Variants in MAPKAP1 observed in about 807,000 individuals in gnomAD.
MAPKAP1 encodes target of rapamycin complex 2 subunit MAPKAP1.
Under a neutral mutation model 65.7 loss-of-function variants are expected in MAPKAP1, and 20 were observed. The ratio of observed to expected loss-of-function variants is 0.30; its 90% CI spans 0.21 to 0.44. MAPKAP1 has a LOEUF of 0.44. MAPKAP1 is among the 20% of genes least tolerant of loss of function. MAPKAP1 has a pLI of 1.00. For synonymous variants in MAPKAP1, 222 were observed against 244.3 expected (o/e 0.91, Z 0.85); for missense variants, 423 against 648.0 (o/e 0.65, Z 3.77).
intron 3 of MAPKAP1, among the ~76,000 whole-genome samples, chr9:125,660,736 A>G (rs1834160331): frequency 6.6e-6 from 1 of 152,204 alleles, no homozygotes; most frequent in African/African-American, 2.4e-5. Context: ...CCGACACTTC[A>G]AAAGCTATTC....
chr9:125,569,405 C>T, intron 5 of MAPKAP1, among the ~76,000 whole-genome samples: 1 of 152,158 alleles, frequency 6.6e-6, no homozygotes, highest in Non-Finnish European at 1.5e-5. Flanking sequence ...GGGTTCAATT[C>T]CCCACCTAGG....
At chr9:125,546,375 C>G (rs530756330) in intron 6 of MAPKAP1, among the ~76,000 whole-genome samples, 1 of 152,186 alleles carries the variant, frequency 6.6e-6, no homozygotes. Context: ...TCTTGTTCCA[C>G]GTCTACAGCG....
intron 4 of MAPKAP1, among the ~76,000 whole-genome samples, chr9:125,587,059 C>T (rs546457444): frequency 1.3e-5 from 2 of 152,238 alleles, no homozygotes; most frequent in African/African-American, 4.8e-5. Context: ...TAGCCACATG[C>T]AAAAGAATGA....
chr9:125,670,295 A>C (rs1342220715), intron 2 of MAPKAP1, among the ~76,000 whole-genome samples: 1 of 152,196 alleles, frequency 6.6e-6, no homozygotes, highest in Non-Finnish European at 1.5e-5. Flanking sequence ...TACTGTTATG[A>C]ATTACTCTAC....
intron 5 of MAPKAP1, among the ~76,000 whole-genome samples, chr9:125,563,406 C>A (rs1254866083): frequency 6.6e-6 from 1 of 152,142 alleles, no homozygotes; most frequent in Non-Finnish European, 1.5e-5. Flanking sequence ...GCTCCATTTT[C>A]TTATCGGAAA....
chr9:125,689,305 C>CG lies in MAPKAP1; in HGVS notation c.-69-16663dup, dbSNP rs565775566. On this transcript the variant is annotated intron_variant, in intron 1 of 11. Coordinates refer to ENST00000265960, the MANE Select transcript of MAPKAP1 (RefSeq NM_001006617.3). Reference sequence around the variant, plus strand: ...ACAAAAAATTAGCCGGGCGTGGTGGCGGGCGCCTGTAGTCCCAGCTACTCA... The same window carrying CG: ...ACAAAAAATTAGCCGGGCGTGGTGGCGGGGCGCCTGTAGTCCCAGCTACTCA... 3.6e-4 allele frequency among the ~76,000 whole-genome samples: 54 copies of CG among 151,478 alleles called. 1 individual carries two copies. In the East Asian group the frequency reaches 9.0e-3, roughly 25 times the overall value.
chr9:125,530,095 G>A (rs910151675), intron 7 of MAPKAP1, among the ~76,000 whole-genome samples: 1 of 152,216 alleles, frequency 6.6e-6, no homozygotes, highest in Non-Finnish European at 1.5e-5. Context: ...AGCAGAACAG[G>A]AGTTGGGTGG....
intron 4 of MAPKAP1, among the ~76,000 whole-genome samples, chr9:125,627,104 G>T (rs143559879): frequency 6.6e-6 from 1 of 152,258 alleles, no homozygotes; most frequent in Non-Finnish European, 1.5e-5. Flanking sequence ...CAATTCATAT[G>T]TAACAATGAG....
At chr9:125,691,975 G>A (rs766764893) in intron 1 of MAPKAP1, among the ~76,000 whole-genome samples, 1 of 152,158 alleles carries the variant, frequency 6.6e-6, no homozygotes, top group African/African-American at 2.4e-5. Context: ...AATTCCTAGA[G>A]CCTAGGGCTG....
chr9:125,688,467 T>C (rs1051897923), intron 1 of MAPKAP1, among the ~76,000 whole-genome samples: 2 of 152,120 alleles, frequency 1.3e-5, no homozygotes, highest in Non-Finnish European at 2.9e-5. Context: ...ATCACCACAG[T>C]GTACCAAACA....
At chr9:125,701,840 G>C (rs2131882821) in intron 1 of MAPKAP1, among the ~76,000 whole-genome samples, 1 of 152,298 alleles carries the variant, frequency 6.6e-6, no homozygotes, top group South Asian at 2.1e-4. Flanking sequence ...ACTTTAGCTT[G>C]ATTATACAAT....
At chr9:125,664,347 CA>C (rs891160056) in intron 3 of MAPKAP1, among the ~76,000 whole-genome samples, 1 of 142,528 alleles carries the variant, frequency 7.0e-6, no homozygotes, top group Non-Finnish European at 1.5e-5. Flanking sequence ...AACTCCGTCT[CA>C]AAAAAAATAA....
At chr9:125,700,447 C>A (rs1480395992) in intron 1 of MAPKAP1, among the ~76,000 whole-genome samples, 1 of 152,198 alleles carries the variant, frequency 6.6e-6, no homozygotes, top group Non-Finnish European at 1.5e-5. Flanking sequence ...TATATTTAGG[C>A]ATAAATGTGA....
rs74838170 is a variant in MAPKAP1 at position 125,455,339 on chromosome 9, A to G, written c.1346-10741T>C. On this transcript the variant is annotated intron_variant, in intron 10 of 11. Transcript: ENST00000265960. ...TGCAAGAATTAAATAATGTGTAAAA[A>G]GGACTTGGAACACTATCTGATGGGG... 3.3e-4 allele frequency among the ~76,000 whole-genome samples: 51 copies of G among 152,340 alleles called. No homozygotes were observed. The East Asian group carries it at 9.6e-3, about 29-fold the overall frequency.
intron 7 of MAPKAP1, among the ~76,000 whole-genome samples, chr9:125,530,280 C>A (rs2133137319): frequency 6.6e-6 from 1 of 152,350 alleles, no homozygotes; most frequent in Non-Finnish European, 1.5e-5. Context: ...CTGGTGCAGA[C>A]TGAGACTCTT....
intron 4 of MAPKAP1, among the ~76,000 whole-genome samples, 189 bp from the exon 5 acceptor site, chr9:125,585,916 A>G (rs1307703315): frequency 6.6e-6 from 1 of 152,168 alleles, no homozygotes; most frequent in South Asian, 2.1e-4. Context: ...TTTTCATTTT[A>G]TAATAAACTA....
chr9:125,699,610 T>C (rs10986848), intron 1 of MAPKAP1, among the ~76,000 whole-genome samples: 45,447 of 151,812 alleles, frequency 0.3, 7,831 homozygotes, highest in Non-Finnish European at 0.39. Flanking sequence ...TCGAAAAGTT[T>C]TGAATTTTGA....
Position 125,439,919 on chromosome 9 carries a change from G to A in MAPKAP1, c.1444-907C>T, listed in dbSNP as rs1005474328. On this transcript the variant is annotated intron_variant, in intron 11 of 11. Coordinates refer to ENST00000265960, the MANE Select transcript of MAPKAP1 (RefSeq NM_001006617.3). This position sits in a 1 kb window ranked among gnomAD's most constrained non-coding sequence, Gnocchi z 4.0. Reference sequence around the variant, plus strand: ...TATCAGGGAGGTGTGGAGGAGGGAAGGCTTCCAGAGGAAAAGAGTGAGCGG... The same window carrying A: ...TATCAGGGAGGTGTGGAGGAGGGAAAGCTTCCAGAGGAAAAGAGTGAGCGG... Among the ~76,000 whole-genome samples, 4 of 152,242 alleles carry A rather than the reference G, an allele frequency of 2.6e-5. No individual in the cohort carries two copies. Among genetic ancestry groups the A allele is most frequent in the African/African-American group, 9.6e-5 (4 of 41,470 alleles).
At chr9:125,521,607 C>T in intron 7 of MAPKAP1, 20 of 1,485,768 alleles carry the variant, frequency 1.3e-5, no homozygotes, top group Non-Finnish European at 1.7e-5. Context: ...AGGAATTTAG[C>T]TGTGGGGAAC....
Sources: gnomAD v4.1 joint callset for allele counts (sites outside exome capture counted in the v4.1 genomes callset) on GRCh38, gnomAD v4.1.1 for gene constraint, Gnocchi (gnomAD v3.1) non-coding constraint, MANE v1.5 for transcripts, NCBI Gene and HGNC (gene_info 2026-07-23, HGNC 2026-07-21) for gene names.